ZNF335: variants seen among roughly 807,000 people sequenced by gnomAD.
ZNF335 encodes the protein NRC-interacting factor 1.
A neutral mutation model predicts 145.6 loss-of-function variants in ZNF335; 84 were observed. That is an observed-to-expected ratio of 0.58 (90% CI 0.48 to 0.69). The LOEUF (loss-of-function observed/expected upper bound fraction) is 0.69. Among genes scored for constraint, ZNF335 ranks in the 30% least tolerant of loss-of-function variants. ZNF335 has a pLI of 0.00. For synonymous variants in ZNF335, 761 were observed against 717.0 expected (o/e 1.06, Z -0.98); for missense variants, 1,865 against 1,809.7 (o/e 1.03, Z -0.55).
intron 17 of ZNF335, among the ~76,000 whole-genome samples, chr20:45,955,088 C>T (rs1201364629): frequency 6.6e-6 from 1 of 151,890 alleles, no homozygotes; most frequent in Admixed American, 6.6e-5. Context: ...TGGTGGCTCA[C>T]GCCTGTAATT....
At chr20:45,969,310 CCAT>C (rs1283178341) in intron 3 of ZNF335, 138 bp downstream of exon 3, 3 of 1,108,436 alleles carry the variant, frequency 2.7e-6, no homozygotes, top group African/African-American at 1.6e-5. Context: ...TCATTTACCA[CCAT>C]GAGACAGGGG....
In ZNF335 at chr20:45,969,513, G is replaced by A. The variant is rs548671247; in HGVS notation, c.380C>T (p.Ser127Leu). Residue 127 changes from serine (S) to leucine (L), a missense_variant, in exon 3 of 28, where the codon TCG becomes TTG. Coordinates refer to ENST00000322927, the MANE Select transcript of ZNF335 (RefSeq NM_022095.4). ...MLVSDCTASS[S>L]DLGSAIDKII... ...CTTGTCGATGGCCGAGCCCAGGTCC[G>A]AGGAGGAAGCTGTGCAGTCGGACAC... 2.5e-5 allele frequency: 39 copies of A among 1,581,878 alleles called. No individual in the cohort carries two copies. In the South Asian group the frequency reaches 4.0e-4, roughly 16 times the overall value.
intron 24 of ZNF335, 88 bp downstream of exon 24, chr20:45,949,712 G>T (rs2083592608): frequency 1.1e-5 from 17 of 1,531,394 alleles, no homozygotes; most frequent in Non-Finnish European, 1.5e-5. Context: ...AGGAGGGGTG[G>T]TTTGGAAAGT....
rs1449424094 is a variant in ZNF335, at chr20:45,972,000, G to A, written c.-51+122C>T. On this transcript the variant is annotated intron_variant, in intron 1 of 27. Coordinates refer to ENST00000322927, the MANE Select transcript of ZNF335 (RefSeq NM_022095.4). The stretch of plus-strand genomic sequence containing the variant: ...GTGCGAGAGCGACTAAAGGGCCTGG[G>A]ACCCCGGGGCCCTGTTCGGACAGCC... 8.2e-5 allele frequency: 98 copies of A among 1,192,064 alleles called. 1 individual carries two copies. In the Admixed American group the frequency reaches 3.2e-3, roughly 39 times the overall value. 73.8% of individuals were successfully genotyped at this position (1,192,064 alleles called of 1,614,324 possible). A position where few individuals can be genotyped will look rare whatever the true frequency, so the allele number is the denominator to read the frequency against.
chr20:45,951,471 G>A (rs2083630353), intron 20 of ZNF335, among the ~76,000 whole-genome samples: 1 of 152,238 alleles, frequency 6.6e-6, no homozygotes, highest in South Asian at 2.1e-4. Flanking sequence ...TTTGGCACCA[G>A]GGACTGGTTT....
rs2083588636 is a variant in ZNF335, at chr20:45,949,544, C to T, written c.3694G>A (p.Gly1232Ser). 2 of 1,612,866 alleles carry T rather than the reference C, an allele frequency of 1.2e-6. No individual in the cohort carries two copies. The highest frequency in any genetic ancestry group is 1.3e-5 in the African/African-American group (1 of 74,886). ...TCCTGGGGGAGCAGGTGCTGGACACCATCCTGGGAGATGATATACTGCACC... is the reference window on the plus strand; with the variant it reads ...TCCTGGGGGAGCAGGTGCTGGACACTATCCTGGGAGATGATATACTGCACC... ...NQVQYIISQD[G>S]VQHLLPQEYV... The change falls in exon 25 of 28, where the codon GGT becomes AGT. Residue 1232 changes from glycine (G) to serine (S), a missense_variant. By Grantham distance (56) the Gly-to-Ser change is moderately conservative (BLOSUM62 0). Transcript: ENST00000322927.
chr20:45,953,607 T>G, intron 18 of ZNF335, 82 bp downstream of exon 18: 1 of 1,565,320 alleles, frequency 6.4e-7, no homozygotes, highest in Non-Finnish European at 8.7e-7. Flanking sequence ...TCCTGCCAAC[T>G]AGGCTTGGGT....
rs566415036 is a variant in ZNF335, at chr20:45,953,715, T to C, written c.2676A>G (p.Gly892=). 10 of 1,614,050 alleles carry C rather than the reference T, an allele frequency of 6.2e-6. No homozygotes were observed. The African/African-American group carries it at 8.0e-5, about 13-fold the overall frequency. ...SVITAPPMEE[G]TSAPGTPYSE... is the part of the protein sequence containing the mutation. Reference sequence around the variant, plus strand: ...TGTAAGGTGTGCCAGGAGCTGATGTTCCCTCCTCCATAGGGGGTGCTGTGA... The same window carrying C: ...TGTAAGGTGTGCCAGGAGCTGATGTCCCCTCCTCCATAGGGGGTGCTGTGA... Residue 892 remains glycine, a synonymous_variant, in exon 18 of 28, where the codon GGA becomes GGG. Transcript: ENST00000322927.
intron 26 of ZNF335, 25 bp from the exon 27 acceptor site, chr20:45,949,276 GCTGGC>G: frequency 6.2e-7 from 1 of 1,613,944 alleles, no homozygotes; most frequent in Non-Finnish European, 8.5e-7. Context: ...CTGATAAGAT[GCTGGC>G]CTGGAGAAAC....
Position 45,953,918 on chromosome 20 carries a change from C to A in ZNF335, c.2473G>T (p.Ala825Ser). ...TGCCCACCAGGGGATGCTAACCCTG[C>A]TTCCACATCTTCCGACTTCACCACA... ...VAVVKSEDVE[A>S]GLASPGGQPS... The change falls in exon 18 of 28, where the codon GCA becomes TCA. Residue 825 changes from alanine to serine, a missense_variant. Coordinates refer to ENST00000322927, the MANE Select transcript of ZNF335 (RefSeq NM_022095.4). 1 of 1,606,060 alleles carries A rather than the reference C, an allele frequency of 6.2e-7. No individual in the cohort carries two copies. Among genetic ancestry groups the A allele is most frequent in the Non-Finnish European group, 8.5e-7 (1 of 1,176,212 alleles).
rs752241483 is a variant in ZNF335 at position 45,952,212 on chromosome 20, C to T, written c.3124G>A (p.Ala1042Thr). ...GGGCACTTGAAGGCACCAGGCCCAG[C>T]GTGGGCCCGCTTGTGACTCTCCATC... The part of the protein sequence containing the change: ...AEMESHKRAH[A>T]GPGAFKCPDC... Residue 1042 changes from alanine to threonine, a missense_variant, in exon 20 of 28, where the codon GCT (alanine) becomes ACT (threonine). By Grantham distance (58) the Ala-to-Thr change is moderately conservative. Transcript: ENST00000322927. The T allele has an allele frequency of 6.8e-6, 11 of 1,612,892 alleles. No homozygotes were observed. Among genetic ancestry groups the T allele is most frequent in the Middle Eastern group, 1.7e-4 (1 of 6,050 alleles).
chr20:45,953,618 G>C lies in ZNF335; in HGVS notation c.2702+71C>G. The C allele has an allele frequency of 1.9e-6, 3 of 1,579,234 alleles. No individual in the cohort carries two copies. In the South Asian group the frequency reaches 3.5e-5, roughly 18 times the overall value. On this transcript the variant is annotated intron_variant, in intron 18 of 27. Transcript: ENST00000322927. ...TGCCTCCTGCCAACTAGGCTTGGGT[G>C]GGGCCCAAATCGGACCGACCGACCA...
chr20:45,970,394 G>T (rs2084037012), intron 2 of ZNF335, among the ~76,000 whole-genome samples: 1 of 152,192 alleles, frequency 6.6e-6, no homozygotes, highest in Admixed American at 6.5e-5. Context: ...TATAAGAATG[G>T]CTAATACTTA....
rs756553514 is a variant in ZNF335 at position 45,960,212 on chromosome 20, G to A, written c.2016C>T (p.His672=). Residue 672 remains histidine, a synonymous_variant, in exon 14 of 28, where the codon CAC becomes CAT. Transcript: ENST00000322927. ...CTGGGGTGTGTCCAGCCTGACCTGT[G>A]TGCTTGACAGCCACATGGGACAGCA... The part of the protein sequence containing the change: ...DFLLSHVAVK[H]TGAKPFACEY... The A allele has an allele frequency of 6.2e-7, 1 of 1,614,088 alleles. No homozygotes were observed. The highest frequency in any genetic ancestry group is 1.3e-5 in the African/African-American group (1 of 75,054).
At chr20:45,964,115 G>C in intron 7 of ZNF335, 125 bp from the exon 8 acceptor site, 1 of 1,197,832 alleles carries the variant, frequency 8.3e-7, no homozygotes, top group Non-Finnish European at 1.1e-6. Context: ...TGGGTGCATT[G>C]AGTCACATGA....
At chr20:45,957,536 C>T in intron 17 of ZNF335, 50 bp downstream of exon 17, 2 of 1,569,452 alleles carry the variant, frequency 1.3e-6, no homozygotes, top group East Asian at 2.2e-5. Flanking sequence ...CAGTGCAGGG[C>T]TGGGTACCTG....
intron 4 of ZNF335, 55 bp downstream of exon 4, chr20:45,968,230 C>A: frequency 6.3e-7 from 1 of 1,580,694 alleles, no homozygotes; most frequent in Non-Finnish European, 8.7e-7. Context: ...AACCTGTCCT[C>A]ACCTATCCCC....
chr20:45,952,038 T>TC (rs1240139274), intron 20 of ZNF335, 109 bp downstream of exon 20: 1 of 1,439,416 alleles, frequency 6.9e-7, no homozygotes, highest in African/African-American at 1.4e-5. Flanking sequence ...TCTCATCCAC[T>TC]CAGAGGAGAG....
At position 45,949,197 on chromosome 20, in the gene ZNF335, C is replaced by G. The variant is rs748605998; in HGVS notation, c.3874G>C (p.Glu1292Gln). Residue 1292 changes from glutamate to glutamine, a missense_variant, in exon 27 of 28, where the codon GAG becomes CAG. Physicochemically the swap from Glu to Gln is conservative, Grantham distance 29. Coordinates refer to ENST00000322927, the MANE Select transcript of ZNF335 (RefSeq NM_022095.4). ...GQQLVTQAQL[E>Q]AAAHSAVTAV... The stretch of plus-strand genomic sequence containing the variant: ...GTGACAGCTGAGTGTGCTGCAGCCT[C>G]AAGTTGAGCCTGTGTGACAAGCTGC... 7 of 1,613,834 alleles carry G rather than the reference C, an allele frequency of 4.3e-6. No homozygotes were observed. Among genetic ancestry groups the G allele is most frequent in the Non-Finnish European group, 5.9e-6 (7 of 1,180,008 alleles).
Sources: allele counts gnomAD v4.1 joint callset (sites outside exome capture counted in the v4.1 genomes callset), GRCh38; gene constraint gnomAD v4.1.1; transcripts MANE v1.5; gene names NCBI Gene and HGNC (gene_info 2026-07-23, HGNC 2026-07-21).